NEDD4L: variants seen among roughly 807,000 people sequenced by gnomAD.
NEDD4L encodes NEDD4 like E3 ubiquitin protein ligase, also known as E3 ubiquitin-protein ligase NEDD4-like.
NEDD4L carries 54 observed loss-of-function variants against 148.9 expected under a neutral mutation model. That is an observed-to-expected ratio of 0.36 (90% CI 0.29 to 0.45). The LOEUF (loss-of-function observed/expected upper bound fraction) is 0.45, where lower values mean the gene tolerates loss of function less well. Ranked by LOEUF, NEDD4L falls within the 20% of genes least tolerant of loss-of-function variation. The pLI is 1.00. For missense variants in NEDD4L, 856 were observed against 1,233.8 expected (o/e 0.69, Z 4.59); for synonymous variants, 433 against 440.7 (o/e 0.98, Z 0.22).
chr18:58,389,000 G>A lies in NEDD4L; in HGVS notation c.2548-85G>A, dbSNP rs572711443. On this transcript the variant is annotated intron_variant, in intron 27 of 30. Coordinates refer to ENST00000400345, the MANE Select transcript of NEDD4L (RefSeq NM_001144967.3). ...TACCTTCGCGGCACAGTGACCACAT[G>A]CTGGCACTGAGGGTGGTCATTTCTC... 59 of 1,049,362 alleles carry A rather than the reference G, an allele frequency of 5.6e-5. No individual in the cohort carries two copies. The African/African-American group carries it at 8.6e-4, about 15-fold the overall frequency. 65.0% of individuals were successfully genotyped at this position (1,049,362 alleles called of 1,614,324 possible). A position where few individuals can be genotyped will look rare whatever the true frequency, so the allele number is the denominator to read the frequency against.
intron 1 of NEDD4L, among the ~76,000 whole-genome samples, chr18:58,053,828 A>G (rs569616373): frequency 6.6e-6 from 1 of 152,338 alleles, no homozygotes; most frequent in African/African-American, 2.4e-5. Flanking sequence ...CGGAGGTTGC[A>G]CTGAGTTGTC....
intron 24 of NEDD4L, among the ~76,000 whole-genome samples, chr18:58,377,247 C>T (rs2047686445): frequency 6.6e-6 from 1 of 152,194 alleles, no homozygotes. Context: ...CTTTGGCCCT[C>T]TGCAAAACTG....
chr18:58,350,731 T>C (rs1303128778), intron 17 of NEDD4L, among the ~76,000 whole-genome samples: 2 of 152,230 alleles, frequency 1.3e-5, no homozygotes, highest in East Asian at 3.8e-4. Flanking sequence ...GGTTTCCCTT[T>C]GAAGCTTTTG....
At chr18:58,363,766 T>A (rs987275620) in intron 19 of NEDD4L, among the ~76,000 whole-genome samples, 3 of 152,224 alleles carry the variant, frequency 2.0e-5, no homozygotes, top group African/African-American at 7.2e-5. Context: ...GAATGCCATC[T>A]GCCTGATTTT....
At chr18:58,385,182 C>T (rs955227781) in intron 25 of NEDD4L, among the ~76,000 whole-genome samples, 3 of 152,176 alleles carry the variant, frequency 2.0e-5, no homozygotes, top group Non-Finnish European at 4.4e-5. Context: ...GTTCATACCC[C>T]ATGAACTTTT....
In NEDD4L at chr18:58,341,057, A is replaced by C. The variant is rs1039095191; in HGVS notation, c.1145A>C (p.His382Pro). Reference protein sequence around the residue: ...EEPTPSVAYVHTTPGLPSGWE... With the variant: ...EEPTPSVAYVPTTPGLPSGWE... ...AAACAGCCATCAGTGGCCTATGTACATACCACGCCGGGTCTGCCTTCAGGC... is the reference window on the plus strand; with the variant it reads ...AAACAGCCATCAGTGGCCTATGTACCTACCACGCCGGGTCTGCCTTCAGGC... The change falls in exon 14 of 31, where the codon CAT becomes CCT. Residue 382 changes from histidine to proline, a missense_variant. Around this residue, in one of 4 missense-constraint regions of NEDD4L, gnomAD observed 367 missense variants for 422.7 expected, o/e 0.87. Coordinates refer to ENST00000400345, the MANE Select transcript of NEDD4L (RefSeq NM_001144967.3). 1 of 1,610,512 alleles carries C rather than the reference A, an allele frequency of 6.2e-7. No homozygotes were observed. Among genetic ancestry groups the C allele is most frequent in the Non-Finnish European group, 8.5e-7 (1 of 1,178,390 alleles).
At chr18:58,191,691 T>G (rs2040136451) in intron 2 of NEDD4L, among the ~76,000 whole-genome samples, 1 of 152,164 alleles carries the variant, frequency 6.6e-6, no homozygotes, top group South Asian at 2.1e-4. Flanking sequence ...GTAGCCAAAG[T>G]TCTAAATTGC....
chr18:58,082,475 TAAAA>T (rs907373510), intron 1 of NEDD4L, among the ~76,000 whole-genome samples: 1 of 150,984 alleles, frequency 6.6e-6, no homozygotes, highest in East Asian at 2.0e-4. Context: ...TTTCTTTTCT[TAAAA>T]AAAAGCTTTG....
chr18:58,050,290 A>C (rs879936250), intron 1 of NEDD4L, among the ~76,000 whole-genome samples: 32 of 144,498 alleles, frequency 2.2e-4, no homozygotes, highest in Non-Finnish European at 1.7e-4. Flanking sequence ...CTGTCTCTAC[A>C]AAATAAATAA....
At chr18:58,082,085 T>TACACACACACACAC (rs1415069836) in intron 1 of NEDD4L, among the ~76,000 whole-genome samples, 1 of 90,960 alleles carries the variant, frequency 1.1e-5, no homozygotes, top group African/African-American at 5.9e-5. Context: ...GATGAATATA[T>TACACACACACACAC]ATATATATAT....
intron 2 of NEDD4L, among the ~76,000 whole-genome samples, chr18:58,205,994 G>A (rs753913001): frequency 6.6e-6 from 1 of 152,150 alleles, no homozygotes; most frequent in Non-Finnish European, 1.5e-5. Context: ...ACCACCTTCT[G>A]TACAATGGCT....
intron 2 of NEDD4L, among the ~76,000 whole-genome samples, chr18:58,234,154 T>C (rs930079374): frequency 1.5e-4 from 22 of 150,696 alleles, no homozygotes; most frequent in Admixed American, 1.5e-3. Flanking sequence ...TCTCTCTTTC[T>C]TTCTTCTTTT....
At chr18:58,047,283 A>G (rs1244859227) in intron 1 of NEDD4L, 9 of 984,402 alleles carry the variant, frequency 9.1e-6, no homozygotes, top group Non-Finnish European at 1.1e-5. Flanking sequence ...GTAGACACAC[A>G]TACCTACCAC....
chr18:58,180,366 G>A (rs1000840064), intron 2 of NEDD4L, among the ~76,000 whole-genome samples: 27 of 152,172 alleles, frequency 1.8e-4, no homozygotes, highest in African/African-American at 6.3e-4. Context: ...CTCTGTGGTG[G>A]CACTTAGCAC....
At chr18:58,108,149 G>A (rs185170610) in intron 1 of NEDD4L, among the ~76,000 whole-genome samples, 5 of 152,310 alleles carry the variant, frequency 3.3e-5, no homozygotes, top group East Asian at 1.9e-4. Flanking sequence ...AGCTGACTGC[G>A]TGATAAACGT....
chr18:58,160,319 CT>C (rs2146498419), intron 1 of NEDD4L, among the ~76,000 whole-genome samples: 1 of 152,330 alleles, frequency 6.6e-6, no homozygotes, highest in East Asian at 1.9e-4. Context: ...GCTGCTGTCA[CT>C]TATGGCTCGG....
intron 5 of NEDD4L, among the ~76,000 whole-genome samples, chr18:58,284,474 A>G (rs546771104): frequency 2.0e-4 from 30 of 152,322 alleles, no homozygotes; most frequent in Non-Finnish European, 3.2e-4. Flanking sequence ...TTATACTGTC[A>G]CAGGTGGTTA....
chr18:58,206,116 C>T lies in NEDD4L; in HGVS notation c.123-39311C>T, dbSNP rs527663349. On this transcript the variant is annotated intron_variant, in intron 2 of 30. Coordinates refer to ENST00000400345, the MANE Select transcript of NEDD4L (RefSeq NM_001144967.3). Reference sequence around the variant, plus strand: ...GCACTGAAACTTTCAGCATGGGGCGCGGTGGCTCATCCCTGTAATCCCAGC... The same window carrying T: ...GCACTGAAACTTTCAGCATGGGGCGTGGTGGCTCATCCCTGTAATCCCAGC... Among the ~76,000 whole-genome samples the T allele has an allele frequency of 1.1e-4, 17 of 152,264 alleles. No individual in the cohort carries two copies. In the South Asian group the frequency reaches 2.7e-3, roughly 24 times the overall value.
intron 2 of NEDD4L, among the ~76,000 whole-genome samples, chr18:58,213,103 AGT>A (rs1438909032): frequency 2.0e-5 from 3 of 152,144 alleles, no homozygotes; most frequent in Admixed American, 2.0e-4. Flanking sequence ...AGAAGTGGCA[AGT>A]GGTATTATTT....
Sources: allele counts gnomAD v4.1 joint callset (sites outside exome capture counted in the v4.1 genomes callset), GRCh38; gene constraint gnomAD v4.1.1; regional missense constraint gnomAD v4.1.1; transcripts MANE v1.5; gene names NCBI Gene and HGNC (gene_info 2026-07-23, HGNC 2026-07-21).